CCDC30: variants seen among roughly 807,000 people sequenced by gnomAD.
CCDC30 encodes the protein coiled-coil domain-containing protein 30.
CCDC30 carries 70 observed loss-of-function variants against 100.2 expected under a neutral mutation model. That is an observed-to-expected ratio of 0.70 (90% CI 0.58 to 0.85). The LOEUF is 0.85. Ranked by LOEUF, CCDC30 falls within the 40% of genes least tolerant of loss-of-function variation. The pLI is 0.00. For missense variants in CCDC30, 652 were observed against 771.2 expected (o/e 0.85, Z 1.83); for synonymous variants, 233 against 269.5 (o/e 0.86, Z 1.33).
chr1:42,515,901 G>A (rs1027302228), intron 6 of CCDC30, among the ~76,000 whole-genome samples: 1 of 152,124 alleles, frequency 6.6e-6, no homozygotes, highest in African/African-American at 2.4e-5. Flanking sequence ...TCTTTTTTAA[G>A]GCTGAATCAT....
At chr1:42,492,085 C>A (rs1270841490) in intron 4 of CCDC30, 21 of 337,982 alleles carry the variant, frequency 6.2e-5, no homozygotes, top group Non-Finnish European at 3.4e-5. Context: ...AAATGGCAGA[C>A]CATGATTGAA....
At chr1:42,566,446 A>G (rs1645608352) in exon 7 of CCDC30, 2 of 1,613,820 alleles carry the variant, frequency 1.2e-6, no homozygotes, top group Non-Finnish European at 1.7e-6. Context: ...AAAGCAACAT[A>G]ATAGCTTACT....
Position 42,546,398 on chromosome 1 carries a change from AAATATATATATATATATATATAT to A in CCDC30, c.457-19896_457-19874del, listed in dbSNP as rs1370424426. On this transcript the variant is annotated intron_variant, in intron 6 of 16. Coordinates refer to ENST00000668663, the Ensembl canonical transcript of CCDC30. ...GAAATTCTGTCTCAAAAAAAAAAAAAAATATATATATATATATATATATATATATATATATATATATATAGTAT... is the reference window on the plus strand; with the variant it reads ...GAAATTCTGTCTCAAAAAAAAAAAAAATATATATATATATATATATAGTAT... Among the ~76,000 whole-genome samples, 114 of 22,770 alleles carry A rather than the reference AAATATATATATATATATATATAT, an allele frequency of 5.0e-3. 13 individuals carry two copies. The highest frequency in any genetic ancestry group is 0.016 in the African/African-American group (114 of 7,172). The allele number at this position is 22,770 out of a possible 152,430, so 14.9% of individuals were successfully genotyped here.
intron 7 of CCDC30, among the ~76,000 whole-genome samples, chr1:42,568,176 A>G (rs1645647497): frequency 6.6e-6 from 1 of 152,100 alleles, no homozygotes; most frequent in Non-Finnish European, 1.5e-5. Context: ...GTGCAGTGGC[A>G]TGATCTCTGC....
chr1:42,637,420 C>T (rs533022227), intron 12 of CCDC30, 42 bp downstream of exon 16: 1 of 1,571,708 alleles, frequency 6.4e-7, no homozygotes, highest in African/African-American at 1.4e-5. Context: ...TGGTGATTCC[C>T]ATGGTCAGCC....
At chr1:42,537,533 A>G (rs1255968682) in intron 6 of CCDC30, 2 of 337,558 alleles carry the variant, frequency 5.9e-6, no homozygotes, top group East Asian at 1.7e-4. Flanking sequence ...AGGCTTTGGG[A>G]AAATACCAAG....
At position 42,476,680 on chromosome 1, in the gene CCDC30, A is replaced by G. The variant is rs575368054; in HGVS notation, c.-91-3781A>G. Among the ~76,000 whole-genome samples the G allele has an allele frequency of 3.5e-3, 527 of 149,180 alleles. 3 individuals are homozygous for G. Among genetic ancestry groups the G allele is most frequent in the African/African-American group, 0.012 (507 of 40,760 alleles). ...ACTCCAGCCTGGGCAAAAGGAGTGA[A>G]ACTCCTTCTCAAAAAAAAAAAAAAG... On this transcript the variant is annotated intron_variant, in intron 1 of 16. Coordinates refer to ENST00000668663, the Ensembl canonical transcript of CCDC30.
chr1:42,520,881 T>C (rs1366255220), intron 6 of CCDC30, among the ~76,000 whole-genome samples: 2 of 151,164 alleles, frequency 1.3e-5, no homozygotes, highest in Admixed American at 1.3e-4. Flanking sequence ...TCTCCTGACC[T>C]CGTGATCCAC....
chr1:42,564,572 G>C (rs936154647), intron 6 of CCDC30, among the ~76,000 whole-genome samples: 2 of 152,086 alleles, frequency 1.3e-5, no homozygotes, highest in Admixed American at 6.6e-5. Context: ...AGCCTATTCA[G>C]GATTATTGAC....
chr1:42,514,945 G>C (rs932979405), intron 6 of CCDC30, among the ~76,000 whole-genome samples: 1 of 144,664 alleles, frequency 6.9e-6, no homozygotes, highest in Non-Finnish European at 1.5e-5. Context: ...AAGCCACTGT[G>C]CTTGGCCTCT....
chr1:42,636,799 C>T (rs867205428), intron 11 of CCDC30, among the ~76,000 whole-genome samples: 1 of 151,622 alleles, frequency 6.6e-6, no homozygotes, highest in African/African-American at 2.4e-5. Context: ...AACCTTGTCT[C>T]TACTAAAAAT....
chr1:42,621,809 C>T (rs777242646), intron 11 of CCDC30, among the ~76,000 whole-genome samples: 1 of 151,504 alleles, frequency 6.6e-6, no homozygotes. Context: ...CCGCGCCCGG[C>T]CTAATTTTGT....
rs770972866 is a variant in CCDC30, at chr1:42,582,059, CAA to C, written c.1001+565_1001+566del. Among the ~76,000 whole-genome samples, 562 of 99,062 alleles carry C rather than the reference CAA, an allele frequency of 5.7e-3. 2 individuals carry two copies. Among genetic ancestry groups the C allele is most frequent in the African/African-American group, 0.018 (512 of 28,306 alleles). 65.0% of individuals were successfully genotyped at this position (99,062 alleles called of 152,430 possible). A position where few individuals can be genotyped will look rare whatever the true frequency, so the allele number is the denominator to read the frequency against. On this transcript the variant is annotated intron_variant, in intron 9 of 16. Transcript: ENST00000668663. ...CAGCATAGTGAGTCTTTGTCTATAC[CAA>C]AAAAAAAAAAAAAAAAAAATGATCC...
intron 4 of CCDC30, among the ~76,000 whole-genome samples, chr1:42,496,335 G>T (rs80074669): frequency 0.017 from 2,554 of 152,162 alleles, 73 homozygotes; most frequent in African/African-American, 0.059. Context: ...CTACTAAAGA[G>T]ATAATATTTA....
intron 15 of CCDC30, among the ~76,000 whole-genome samples, chr1:42,649,762 A>G (rs1648178375): frequency 6.6e-6 from 1 of 152,188 alleles, no homozygotes; most frequent in Non-Finnish European, 1.5e-5. Flanking sequence ...ACACACCAAA[A>G]TCAACACACC....
At position 42,590,680 on chromosome 1, in the gene CCDC30, G is replaced by A. The variant is rs553872980; in HGVS notation, c.1164+1197G>A. On this transcript the variant is annotated intron_variant, in intron 10 of 16. Transcript: ENST00000668663. ...TGAGCTGGGAGGTCGGGGTTGCAAT[G>A]AGCCATGATCATGCCACTACACTAC... The A allele has an allele frequency of 1.6e-3, 241 of 152,128 alleles. 2 individuals are homozygous for A. Among genetic ancestry groups the A allele is most frequent in the African/African-American group, 5.7e-3 (236 of 41,478 alleles). 9.4% of individuals were successfully genotyped at this position (152,128 alleles called of 1,614,324 possible).
chr1:42,512,888 C>A (rs1392059582), intron 6 of CCDC30, among the ~76,000 whole-genome samples: 2 of 152,212 alleles, frequency 1.3e-5, no homozygotes, highest in Non-Finnish European at 2.9e-5. Flanking sequence ...CACCTCACCC[C>A]TGTGTCTTGT....
intron 6 of CCDC30, among the ~76,000 whole-genome samples, chr1:42,501,472 G>C (rs1433123803): frequency 6.6e-6 from 1 of 152,152 alleles, no homozygotes; most frequent in Non-Finnish European, 1.5e-5. Context: ...GTCATTCTGT[G>C]TCCATCTTTG....
At chr1:42,536,924 C>T (rs915200853) in intron 6 of CCDC30, 2 of 361,714 alleles carry the variant, frequency 5.5e-6, no homozygotes, top group South Asian at 5.2e-5. Context: ...GGCACTAACC[C>T]TATTGGATTA....
Sources: gnomAD v4.1 joint callset for allele counts (sites outside exome capture counted in the v4.1 genomes callset) on GRCh38, gnomAD v4.1.1 for gene constraint, MANE v1.5 for transcripts, NCBI Gene and HGNC (gene_info 2026-07-23, HGNC 2026-07-21) for gene names.